ROBO2: variants seen among roughly 807,000 people sequenced by gnomAD.
ROBO2 encodes roundabout homolog 2.
ROBO2 carries 53 observed loss-of-function variants against 160.8 expected under a neutral mutation model. The observed-to-expected ratio is 0.33, with a 90% CI of 0.26 to 0.41. The LOEUF is 0.41. Among genes scored for constraint, ROBO2 ranks in the 10% least tolerant of loss-of-function variants. The pLI, the probability that ROBO2 is intolerant of heterozygous loss-of-function variation, is 1.00. For missense variants in ROBO2, 1,577 were observed against 1,722.4 expected (o/e 0.92, Z 1.49); for synonymous variants, 664 against 611.7 (o/e 1.09, Z -1.26).
intron 2 of ROBO2, among the ~76,000 whole-genome samples, chr3:77,212,620 G>T (rs1364264493): frequency 6.6e-6 from 1 of 152,272 alleles, no homozygotes; most frequent in South Asian, 2.1e-4. Context: ...ATGTTGAATA[G>T]GAGTGGTGAG....
chr3:76,379,991 G>A (rs1004968596), intron 2 of ROBO2, among the ~76,000 whole-genome samples: 3 of 150,892 alleles, frequency 2.0e-5, no homozygotes, highest in Non-Finnish European at 3.0e-5. Context: ...CTTATTTCTG[G>A]GCTGTGTAGA....
chr3:77,330,084 C>T (rs1048999380), intron 2 of ROBO2, among the ~76,000 whole-genome samples: 2 of 152,082 alleles, frequency 1.3e-5, no homozygotes, highest in Admixed American at 6.5e-5. Context: ...CTCCTCTACC[C>T]TAAAGTCCAA....
intron 2 of ROBO2, among the ~76,000 whole-genome samples, chr3:76,841,723 A>G (rs367877146): frequency 6.6e-6 from 1 of 152,312 alleles, no homozygotes; most frequent in East Asian, 1.9e-4. Context: ...AAAAAAGAGG[A>G]AGATTTATTA....
intron 2 of ROBO2, among the ~76,000 whole-genome samples, chr3:77,018,888 G>A (rs899316010): frequency 2.0e-5 from 3 of 152,148 alleles, no homozygotes; most frequent in African/African-American, 7.2e-5. Context: ...ATTACTAGGA[G>A]TAAGGGTAAT....
At chr3:77,240,228 C>G (rs1286945427) in intron 2 of ROBO2, among the ~76,000 whole-genome samples, 2 of 152,182 alleles carry the variant, frequency 1.3e-5, no homozygotes, top group African/African-American at 4.8e-5. Flanking sequence ...CTGAGCCCTG[C>G]CCCGCAGGGA....
At chr3:76,600,700 G>A (rs1270133951) in intron 2 of ROBO2, among the ~76,000 whole-genome samples, 3 of 152,126 alleles carry the variant, frequency 2.0e-5, no homozygotes, top group Admixed American at 2.0e-4. Flanking sequence ...GGAATTGTGG[G>A]AGTTACAATT....
chr3:76,182,357 C>A (rs1208335158), intron 2 of ROBO2, among the ~76,000 whole-genome samples: 1 of 152,032 alleles, frequency 6.6e-6, no homozygotes, highest in African/African-American at 2.4e-5. Flanking sequence ...ATATTTCTTC[C>A]TCAAATAGCA....
At chr3:76,201,166 C>A (rs1347949881) in intron 2 of ROBO2, among the ~76,000 whole-genome samples, 1 of 152,154 alleles carries the variant, frequency 6.6e-6, no homozygotes, top group Non-Finnish European at 1.5e-5. Flanking sequence ...TATGCCACAA[C>A]AGTCTTCTCA....
At chr3:77,283,010 A>G (rs999014417) in intron 2 of ROBO2, among the ~76,000 whole-genome samples, 1 of 152,004 alleles carries the variant, frequency 6.6e-6, no homozygotes, top group African/African-American at 2.4e-5. Flanking sequence ...TTAAATGTCA[A>G]TTATGGCAAA....
chr3:76,296,241 C>T (rs898507142), intron 2 of ROBO2, among the ~76,000 whole-genome samples: 3 of 152,012 alleles, frequency 2.0e-5, no homozygotes, highest in Admixed American at 6.6e-5. Flanking sequence ...AAAGGATTCC[C>T]TCCTAAAGCC....
At chr3:77,177,595 A>G (rs922846305) in intron 2 of ROBO2, among the ~76,000 whole-genome samples, 5 of 151,936 alleles carry the variant, frequency 3.3e-5, no homozygotes, top group Admixed American at 6.6e-5. Flanking sequence ...TAATTGTTGT[A>G]TGGCTATTCT....
intron 2 of ROBO2, among the ~76,000 whole-genome samples, chr3:76,807,493 A>G (rs1413419849): frequency 3.3e-5 from 5 of 152,090 alleles, no homozygotes; most frequent in African/African-American, 1.2e-4. Context: ...CTGCTAATGG[A>G]TTTTATTAGC....
At chr3:76,021,365 A>G (rs1255629469) in intron 2 of ROBO2, among the ~76,000 whole-genome samples, 1 of 151,862 alleles carries the variant, frequency 6.6e-6, no homozygotes, top group Admixed American at 6.6e-5. Flanking sequence ...CCTACCAATA[A>G]CAAGATAGAA....
At chr3:76,773,027 G>T (rs1206197387) in intron 2 of ROBO2, among the ~76,000 whole-genome samples, 1 of 151,040 alleles carries the variant, frequency 6.6e-6, no homozygotes, top group African/African-American at 2.4e-5. Flanking sequence ...CCAATGTAAA[G>T]TTAAAGGCGA....
chr3:77,595,225 A>G (rs910798537), intron 18 of ROBO2, 41 bp downstream of exon 19: 8 of 1,477,768 alleles, frequency 5.4e-6, no homozygotes, highest in Non-Finnish European at 9.5e-7. Context: ...TTTATTTTTA[A>G]TCAGGACTGG....
At chr3:76,163,459 T>C (rs1195815036) in intron 2 of ROBO2, among the ~76,000 whole-genome samples, 1 of 150,082 alleles carries the variant, frequency 6.7e-6, no homozygotes. Context: ...TATTTGCATA[T>C]GCAATTGACA....
chr3:76,719,579 T>G (rs1560439625), intron 2 of ROBO2, among the ~76,000 whole-genome samples: 4 of 152,214 alleles, frequency 2.6e-5, no homozygotes, highest in Admixed American at 2.6e-4. Flanking sequence ...TGTTAACAAT[T>G]TTTTGTAAGA....
intron 2 of ROBO2, among the ~76,000 whole-genome samples, chr3:77,358,428 T>A (rs546449006): frequency 1.3e-5 from 2 of 152,306 alleles, no homozygotes; most frequent in African/African-American, 4.8e-5. Context: ...TGCGACAAAC[T>A]TATTTCCAAA....
intron 17 of ROBO2, 39 bp downstream of exon 18, chr3:77,588,972 T>G (rs2094119973): frequency 6.2e-7 from 1 of 1,604,874 alleles, no homozygotes; most frequent in African/African-American, 1.3e-5. Context: ...CTCTTGTCTG[T>G]AGGAATGTAA....
Sources: gnomAD v4.1 joint callset for allele counts (sites outside exome capture counted in the v4.1 genomes callset) on GRCh38, gnomAD v4.1.1 for gene constraint, MANE v1.5 for transcripts, NCBI Gene and HGNC (gene_info 2026-07-23, HGNC 2026-07-21) for gene names.